TTC28: variants seen among roughly 807,000 people sequenced by gnomAD.
TTC28 encodes the protein tetratricopeptide repeat domain 28.
A neutral mutation model predicts 198.0 loss-of-function variants in TTC28; 61 were observed. That is an observed-to-expected ratio of 0.31 (90% CI 0.25 to 0.38). TTC28 has a LOEUF of 0.38. Ranked by LOEUF, TTC28 falls within the 10% of genes least tolerant of loss-of-function variation. The pLI is 1.00. For missense variants in TTC28, 2,678 were observed against 3,164.0 expected (o/e 0.85, Z 3.69); for synonymous variants, 1,171 against 1,297.8 (o/e 0.90, Z 2.10).
At chr22:28,312,901 CA>C (rs1339266760) in intron 2 of TTC28, among the ~76,000 whole-genome samples, 1 of 151,830 alleles carries the variant, frequency 6.6e-6, no homozygotes, top group African/African-American at 2.4e-5. Flanking sequence ...AAAAAACCTT[CA>C]AAAAATCAAT....
intron 2 of TTC28, among the ~76,000 whole-genome samples, chr22:28,415,784 C>T (rs1174419708): frequency 1.3e-5 from 2 of 152,196 alleles, no homozygotes; most frequent in African/African-American, 4.8e-5. Flanking sequence ...GTATAAAAAG[C>T]TTATGCTACT....
At chr22:28,477,825 G>A (rs1186805182) in intron 2 of TTC28, among the ~76,000 whole-genome samples, 2 of 152,058 alleles carry the variant, frequency 1.3e-5, no homozygotes, top group Non-Finnish European at 2.9e-5. Context: ...TTTCCCTTCT[G>A]GCTTCACCAT....
At chr22:28,319,938 A>G (rs1395670121) in intron 2 of TTC28, among the ~76,000 whole-genome samples, 1 of 152,224 alleles carries the variant, frequency 6.6e-6, no homozygotes, top group Non-Finnish European at 1.5e-5. Context: ...AGGAGTATAT[A>G]GATATCTGAC....
chr22:28,051,220 G>A (rs1940073501), intron 12 of TTC28, among the ~76,000 whole-genome samples: 1 of 152,202 alleles, frequency 6.6e-6, no homozygotes, highest in Non-Finnish European at 1.5e-5. Context: ...GTCAGAGGGA[G>A]AGTGTGACTC....
At chr22:28,537,603 A>T (rs1008741864) in intron 2 of TTC28, among the ~76,000 whole-genome samples, 1 of 152,158 alleles carries the variant, frequency 6.6e-6, no homozygotes, top group African/African-American at 2.4e-5. Context: ...AGCGTAAAAG[A>T]TTGATAGATC....
chr22:28,544,114 G>A (rs986466576), intron 2 of TTC28, among the ~76,000 whole-genome samples: 7 of 152,030 alleles, frequency 4.6e-5, no homozygotes, highest in South Asian at 2.1e-4. Flanking sequence ...CCAGCTGCTC[G>A]GGAGGCTGAG....
intron 12 of TTC28, among the ~76,000 whole-genome samples, chr22:28,084,155 A>G (rs1008044714): frequency 4.6e-5 from 7 of 152,222 alleles, no homozygotes; most frequent in Middle Eastern, 3.2e-3. Context: ...ACAGCTCTGA[A>G]GAGAGTAGTA....
At chr22:28,060,914 A>C (rs1940503733) in intron 12 of TTC28, among the ~76,000 whole-genome samples, 2 of 152,144 alleles carry the variant, frequency 1.3e-5, no homozygotes, top group African/African-American at 4.8e-5. Context: ...CTGCCATTCT[A>C]ACTGGTGTGA....
intron 2 of TTC28, among the ~76,000 whole-genome samples, chr22:28,404,236 C>T (rs2046964386): frequency 6.6e-6 from 1 of 152,116 alleles, no homozygotes; most frequent in Admixed American, 6.6e-5. Flanking sequence ...TCTCCTGCCT[C>T]AGCCTCCCGA....
intron 2 of TTC28, among the ~76,000 whole-genome samples, chr22:28,447,265 G>T (rs1428105839): frequency 6.6e-6 from 1 of 152,102 alleles, no homozygotes; most frequent in South Asian, 2.1e-4. Context: ...AGGGAATTGT[G>T]AGGATTGTAA....
chr22:28,538,449 C>T (rs1330012161), intron 2 of TTC28, among the ~76,000 whole-genome samples: 6 of 151,474 alleles, frequency 4.0e-5, no homozygotes, highest in South Asian at 4.2e-4. Flanking sequence ...ACTGGTAATG[C>T]GTGTTGCCTT....
chr22:28,261,355 T>C lies in TTC28; in HGVS notation c.933+34843A>G, dbSNP rs60360755. 8.8e-3 allele frequency among the ~76,000 whole-genome samples: 1,347 copies of C among 152,208 alleles called. 17 individuals are homozygous for C. The highest frequency in any genetic ancestry group is 0.031 in the African/African-American group (1,273 of 41,546). On this transcript the variant is annotated intron_variant, in intron 5 of 22. Coordinates refer to ENST00000397906, the MANE Select transcript of TTC28 (RefSeq NM_001145418.2). ...AACCTGTGCAGGAATCGGGAAAATA[T>C]CAGCAACAGGGTGATCCCTGGAGGC...
At chr22:28,567,055 A>C (rs2049980576) in intron 2 of TTC28, among the ~76,000 whole-genome samples, 2 of 152,086 alleles carry the variant, frequency 1.3e-5, no homozygotes, top group African/African-American at 4.8e-5. Flanking sequence ...TCTCTACTAA[A>C]AATACAAAAA....
intron 2 of TTC28, among the ~76,000 whole-genome samples, chr22:28,434,437 A>G (rs2047486704): frequency 6.6e-6 from 1 of 152,214 alleles, no homozygotes; most frequent in South Asian, 2.1e-4. Context: ...TAATCCCAGC[A>G]CTTTGGAAGG....
At chr22:28,011,417 G>A (rs984056844) in intron 14 of TTC28, among the ~76,000 whole-genome samples, 1 of 152,160 alleles carries the variant, frequency 6.6e-6, no homozygotes, top group African/African-American at 2.4e-5. Context: ...GCAACATGGT[G>A]AAACCCTGTC....
intron 1 of TTC28, among the ~76,000 whole-genome samples, chr22:28,661,595 ATTG>A (rs2051748659): frequency 6.6e-6 from 1 of 151,264 alleles, no homozygotes; most frequent in Admixed American, 6.6e-5. Context: ...AATTTGACTG[ATTG>A]ATAGACAGAT....
chr22:28,468,514 C>T (rs2048054822), intron 2 of TTC28, among the ~76,000 whole-genome samples: 1 of 151,708 alleles, frequency 6.6e-6, no homozygotes, highest in East Asian at 1.9e-4. Context: ...GAGTTCATCT[C>T]TCATAATGCT....
chr22:28,599,656 T>A (rs1014104564), intron 2 of TTC28, among the ~76,000 whole-genome samples: 7 of 152,140 alleles, frequency 4.6e-5, no homozygotes, highest in African/African-American at 1.7e-4. Flanking sequence ...AAAAGTAACT[T>A]AGTCCATGAG....
At chr22:28,006,431 T>C (rs1937931844) in intron 14 of TTC28, 1 of 152,222 alleles carries the variant, frequency 6.6e-6, no homozygotes, top group Non-Finnish European at 1.5e-5. Context: ...ACTGCCCCTA[T>C]TATTTATACT....
Sources: allele counts gnomAD v4.1 joint callset (sites outside exome capture counted in the v4.1 genomes callset), GRCh38; gene constraint gnomAD v4.1.1; transcripts MANE v1.5; gene names NCBI Gene and HGNC (gene_info 2026-07-23, HGNC 2026-07-21).